The following DROSHA variants were observed in gnomAD, a reference collection of about 807,000 sequenced individuals.
DROSHA encodes the protein drosha ribonuclease III.
Under a neutral mutation model 181.9 loss-of-function variants are expected in DROSHA, and 56 were observed. The ratio of observed to expected loss-of-function variants is 0.31; its 90% CI spans 0.25 to 0.38. DROSHA has a LOEUF of 0.38. Ranked by LOEUF, DROSHA falls within the 10% of genes least tolerant of loss-of-function variation. The pLI is 1.00. For synonymous variants in DROSHA, 524 were observed against 591.2 expected (o/e 0.89, Z 1.65); for missense variants, 1,218 against 1,743.5 (o/e 0.70, Z 5.37).
rs1052938534 is a variant in DROSHA at position 31,514,946 on chromosome 5, G to A, written c.1290+42C>T. 1.3e-5 allele frequency: 20 copies of A among 1,582,928 alleles called. No individual in the cohort carries two copies. Among genetic ancestry groups the A allele is most frequent in the African/African-American group, 4.1e-5 (3 of 73,766 alleles). Reference sequence around the variant, plus strand: ...CCCAAAGGCCAATAGTGACAACGCCGAGAAGCCCTAGTCTACAGCTTGTCT... The same window carrying A: ...CCCAAAGGCCAATAGTGACAACGCCAAGAAGCCCTAGTCTACAGCTTGTCT... On this transcript the variant is annotated intron_variant, in intron 8 of 35. Coordinates refer to ENST00000344624, the MANE Select transcript of DROSHA (RefSeq NM_001382508.1). The surrounding 1 kb of genome is among the most constrained non-coding windows in gnomAD (Gnocchi z 4.4).
chr5:31,471,668 A>T (rs183832060), intron 17 of DROSHA, among the ~76,000 whole-genome samples: 63 of 152,268 alleles, frequency 4.1e-4, no homozygotes, highest in African/African-American at 1.4e-3. Context: ...TTAGAAATCA[A>T]AATAAATACA....
intron 6 of DROSHA, among the ~76,000 whole-genome samples, chr5:31,516,795 A>G (rs927104945): frequency 3.3e-5 from 5 of 152,214 alleles, no homozygotes; most frequent in Admixed American, 2.6e-4. Flanking sequence ...AGCATTTTTA[A>G]TAGGTACATT....
At chr5:31,476,873 A>G (rs1441709397) in intron 16 of DROSHA, among the ~76,000 whole-genome samples, 2 of 152,150 alleles carry the variant, frequency 1.3e-5, no homozygotes, top group East Asian at 1.9e-4. Flanking sequence ...GGCCACTCGC[A>G]CTCAGGCTGC....
intron 16 of DROSHA, among the ~76,000 whole-genome samples, chr5:31,476,314 G>A (rs1474839209): frequency 1.3e-5 from 2 of 152,276 alleles, no homozygotes; most frequent in African/African-American, 2.4e-5. Flanking sequence ...GCTGTAAGCC[G>A]AGACTGTGCC....
chr5:31,527,329 C>T (rs1740711627), intron 4 of DROSHA, among the ~76,000 whole-genome samples: 1 of 152,068 alleles, frequency 6.6e-6, no homozygotes, highest in Non-Finnish European at 1.5e-5. Flanking sequence ...GATTACCACC[C>T]CCCCTCTGCA....
intron 10 of DROSHA, among the ~76,000 whole-genome samples, chr5:31,507,877 C>CA (rs1297120942): frequency 2.0e-5 from 3 of 152,104 alleles, no homozygotes; most frequent in Non-Finnish European, 4.4e-5. Context: ...AAAAGGAACA[C>CA]ACAAAATACA....
chr5:31,524,937 G>A (rs1224545947), intron 5 of DROSHA, among the ~76,000 whole-genome samples: 3 of 152,198 alleles, frequency 2.0e-5, no homozygotes, highest in Admixed American at 6.5e-5. Flanking sequence ...GCTCACATCT[G>A]TAATCCCAAC....
At chr5:31,466,449 A>G in intron 18 of DROSHA, 168 bp from the exon 19 acceptor site, 2 of 586,478 alleles carry the variant, frequency 3.4e-6, no homozygotes, top group Admixed American at 3.1e-5. Context: ...TGAGGCTGAG[A>G]GTCAGGATGG....
chr5:31,427,079 A>G (rs918179076), intron 27 of DROSHA, among the ~76,000 whole-genome samples: 1 of 152,204 alleles, frequency 6.6e-6, no homozygotes, highest in African/African-American at 2.4e-5. Context: ...GATGGGTTCA[A>G]TGTTACACAT....
At chr5:31,466,357 G>A in intron 18 of DROSHA, 76 bp from the exon 19 acceptor site, 1 of 1,219,206 alleles carries the variant, frequency 8.2e-7, no homozygotes, top group Non-Finnish European at 1.2e-6. Flanking sequence ...GTTATTTTAA[G>A]AGGCCTCTTC....
chr5:31,427,593 C>T (rs539255033), intron 27 of DROSHA, among the ~76,000 whole-genome samples: 11 of 152,244 alleles, frequency 7.2e-5, no homozygotes, highest in South Asian at 2.1e-4. Context: ...TGCCTTGGGA[C>T]GGCACCCAAT....
chr5:31,455,912 G>A (rs1003643911), intron 20 of DROSHA, among the ~76,000 whole-genome samples: 1 of 152,110 alleles, frequency 6.6e-6, no homozygotes, highest in African/African-American at 2.4e-5. Context: ...AAAGTGCTGG[G>A]ATTACAGTTG....
At chr5:31,469,212 C>A (rs1749456887) in intron 17 of DROSHA, among the ~76,000 whole-genome samples, 1 of 152,088 alleles carries the variant, frequency 6.6e-6, no homozygotes, top group Non-Finnish European at 1.5e-5. Context: ...CAAAAATTAG[C>A]CGGGCGTGGT....
At chr5:31,487,891 T>G (rs1379047294) in intron 13 of DROSHA, among the ~76,000 whole-genome samples, 2 of 152,210 alleles carry the variant, frequency 1.3e-5, no homozygotes, top group African/African-American at 2.4e-5. Context: ...TTCAATGTAT[T>G]TTTAAAATAC....
At chr5:31,504,428 G>A in intron 11 of DROSHA, 127 bp downstream of exon 11, 1 of 1,038,810 alleles carries the variant, frequency 9.6e-7, no homozygotes, top group Non-Finnish European at 1.4e-6. Flanking sequence ...TTATCAGTAA[G>A]AGACTATTAG....
intron 19 of DROSHA, among the ~76,000 whole-genome samples, chr5:31,465,110 T>C (rs1016144814): frequency 6.6e-6 from 1 of 152,182 alleles, no homozygotes; most frequent in Non-Finnish European, 1.5e-5. Flanking sequence ...TCAACCTTAG[T>C]TCCCTCCTTT....
At chr5:31,415,157 A>G (rs1184654157) in intron 30 of DROSHA, among the ~76,000 whole-genome samples, 1 of 152,180 alleles carries the variant, frequency 6.6e-6, no homozygotes, top group East Asian at 1.9e-4. Flanking sequence ...CAAGTTCCCA[A>G]TTTCACTCTT....
intron 35 of DROSHA, among the ~76,000 whole-genome samples, chr5:31,402,575 T>C (rs1471102082): frequency 6.6e-6 from 1 of 152,210 alleles, no homozygotes; most frequent in Non-Finnish European, 1.5e-5. Flanking sequence ...TAATGTTCAG[T>C]TTTATCTGCA....
intron 16 of DROSHA, among the ~76,000 whole-genome samples, chr5:31,479,197 TC>T (rs1257655616): frequency 6.6e-6 from 1 of 152,178 alleles, no homozygotes; most frequent in Non-Finnish European, 1.5e-5. Flanking sequence ...AGCATAATTC[TC>T]CTTAAAGCAG....
Sources: allele counts gnomAD v4.1 joint callset (sites outside exome capture counted in the v4.1 genomes callset), GRCh38; gene constraint gnomAD v4.1.1; non-coding constraint Gnocchi (gnomAD v3.1); transcripts MANE v1.5; gene names NCBI Gene and HGNC (gene_info 2026-07-23, HGNC 2026-07-21).